Variants in PAM observed in about 807,000 individuals in gnomAD.
PAM encodes peptidyl-glycine alpha-amidating monooxygenase.
PAM carries 72 observed loss-of-function variants against 122.1 expected under a neutral mutation model. The observed-to-expected ratio is 0.59, with a 90% CI of 0.49 to 0.72. PAM has a LOEUF of 0.72. Ranked by LOEUF, PAM falls within the 30% of genes least tolerant of loss-of-function variation. The probability of loss-of-function intolerance (pLI) is 0.00; values close to 1 mark genes in which losing one functional copy is unlikely to be tolerated. For synonymous variants in PAM, 389 were observed against 404.4 expected (o/e 0.96, Z 0.46); for missense variants, 1,106 against 1,183.7 (o/e 0.93, Z 0.96).
chr5:102,758,073 G>GTTTTTTT (rs1168917285), intron 1 of PAM, among the ~76,000 whole-genome samples: 76 of 24,790 alleles, frequency 3.1e-3, no homozygotes, highest in Non-Finnish European at 5.0e-3. Context: ...TTAGAATTTT[G>GTTTTTTT]TTTTTTTTTT....
chr5:102,780,909 G>A (rs549458100), intron 1 of PAM, among the ~76,000 whole-genome samples: 17 of 148,558 alleles, frequency 1.1e-4, no homozygotes, highest in Non-Finnish European at 2.4e-4. Flanking sequence ...CTTTGTTGTG[G>A]GGGCTGTCCT....
At chr5:102,807,680 TGTGA>T (rs1397548758) in intron 1 of PAM, among the ~76,000 whole-genome samples, 1 of 152,202 alleles carries the variant, frequency 6.6e-6, no homozygotes, top group African/African-American at 2.4e-5. Context: ...AAGGCATAGA[TGTGA>T]GCTTTCTTTT....
At chr5:102,776,984 G>A (rs1757329329) in intron 1 of PAM, among the ~76,000 whole-genome samples, 1 of 151,922 alleles carries the variant, frequency 6.6e-6, no homozygotes, top group Admixed American at 6.6e-5. Flanking sequence ...GTTTTTGCAA[G>A]TATGCAGAAA....
At position 102,862,127 on chromosome 5, in the gene PAM, G is replaced by T. The variant is rs186349943; in HGVS notation, c.-373-3696G>T. Among the ~76,000 whole-genome samples, 317 of 145,288 alleles carry T rather than the reference G, an allele frequency of 2.2e-3. 1 individual carries two copies. The highest frequency in any genetic ancestry group is 7.7e-3 in the African/African-American group (302 of 39,098). On this transcript the variant is annotated intron_variant, in intron 1 of 25. Coordinates refer to ENST00000438793, the MANE Select transcript of PAM (RefSeq NM_001177306.2). ...AGAGGTTGGAGTGAGCCAAAATTGC[G>T]CCACTGCACTCCAGCCTGGGTGACA...
chr5:102,841,885 G>T (rs1245049036), intron 1 of PAM, among the ~76,000 whole-genome samples: 3 of 152,138 alleles, frequency 2.0e-5, no homozygotes, highest in Non-Finnish European at 2.9e-5. Context: ...TGGATAGTTA[G>T]ATCAATGAAA....
chr5:103,022,013 C>T (rs1008337564), intron 23 of PAM, among the ~76,000 whole-genome samples: 1 of 151,706 alleles, frequency 6.6e-6, no homozygotes, highest in Admixed American at 6.6e-5. Flanking sequence ...TAAAAAAAAA[C>T]TGATGAAAAG....
chr5:103,002,868 T>G (rs531519299), intron 16 of PAM, among the ~76,000 whole-genome samples, 165 bp from the exon 17 acceptor site: 2 of 152,238 alleles, frequency 1.3e-5, no homozygotes, highest in Admixed American at 1.3e-4. Context: ...GTTCTACAGG[T>G]TAATGGGGTA....
chr5:102,830,415 C>G (rs1368548178), intron 1 of PAM, among the ~76,000 whole-genome samples: 1 of 152,144 alleles, frequency 6.6e-6, no homozygotes, highest in Non-Finnish European at 1.5e-5. Flanking sequence ...GGGCATCTCA[C>G]CACTGAAATG....
intron 14 of PAM, among the ~76,000 whole-genome samples, chr5:102,967,377 G>A (rs1764412864): frequency 6.6e-6 from 1 of 152,058 alleles, no homozygotes; most frequent in Admixed American, 6.6e-5. Context: ...AAAAGTTAGG[G>A]AATAAAATTT....
At chr5:102,876,383 C>T (rs1789221574) in intron 3 of PAM, among the ~76,000 whole-genome samples, 1 of 152,202 alleles carries the variant, frequency 6.6e-6, no homozygotes. Context: ...TCTATTAAAA[C>T]AGAAGTCAGA....
intron 15 of PAM, chr5:102,987,568 C>T: frequency 2.2e-6 from 1 of 455,506 alleles, no homozygotes; most frequent in Non-Finnish European, 4.4e-6. Context: ...GATAAGTGTT[C>T]AAGGTGATGT....
intron 12 of PAM, among the ~76,000 whole-genome samples, chr5:102,952,005 G>A (rs1234994524): frequency 1.3e-5 from 2 of 151,996 alleles, no homozygotes; most frequent in African/African-American, 2.4e-5. Context: ...GAGGTAACAT[G>A]ATTCAGAGGG....
At chr5:102,782,693 C>T (rs1030795536) in intron 1 of PAM, among the ~76,000 whole-genome samples, 4 of 150,058 alleles carry the variant, frequency 2.7e-5, no homozygotes, top group African/African-American at 9.9e-5. Context: ...TGCTCCCTTC[C>T]TTTCTCCATT....
rs1785897951 is a variant in PAM at position 103,029,387 on chromosome 5, A to G, written c.*322A>G. 1 of 204,054 alleles carries G rather than the reference A, an allele frequency of 4.9e-6. No homozygotes were observed. The highest frequency in any genetic ancestry group is 9.7e-6 in the Non-Finnish European group (1 of 102,708). 12.6% of individuals were successfully genotyped at this position (204,054 alleles called of 1,614,324 possible). On this transcript the variant is annotated 3_prime_UTR_variant, in exon 26 of 26. Coordinates refer to ENST00000438793, the MANE Select transcript of PAM (RefSeq NM_001177306.2). Reference sequence around the variant, plus strand: ...CTTTTTGGTGGATGTAAATAACCCCATTCTTTGCTTGAACACAGTATTTTC... The same window carrying G: ...CTTTTTGGTGGATGTAAATAACCCCGTTCTTTGCTTGAACACAGTATTTTC...
intron 20 of PAM, 62 bp downstream of exon 20, chr5:103,007,719 GTTATC>G: frequency 9.3e-7 from 1 of 1,070,632 alleles, no homozygotes; most frequent in Non-Finnish European, 1.4e-6. Flanking sequence ...TAAAAATTGT[GTTATC>G]TTAATGTGCT....
At chr5:102,853,698 A>G (rs1232278619) in intron 1 of PAM, among the ~76,000 whole-genome samples, 1 of 152,196 alleles carries the variant, frequency 6.6e-6, no homozygotes, top group Non-Finnish European at 1.5e-5. Flanking sequence ...AGAAATGTGA[A>G]GGGAATCCCT....
chr5:102,895,646 T>G (rs1054196344), intron 3 of PAM, among the ~76,000 whole-genome samples: 1 of 151,736 alleles, frequency 6.6e-6, no homozygotes, highest in African/African-American at 2.4e-5. Flanking sequence ...GAGAATAGAA[T>G]GCAACTTTGG....
intron 1 of PAM, among the ~76,000 whole-genome samples, chr5:102,829,629 C>G (rs757622910): frequency 6.6e-6 from 1 of 152,154 alleles, no homozygotes; most frequent in Non-Finnish European, 1.5e-5. Flanking sequence ...TGGCCTCGGC[C>G]TCCCAAAATG....
intron 23 of PAM, 63 bp downstream of exon 23, chr5:103,019,906 C>A (rs370182259): frequency 2.1e-6 from 2 of 940,716 alleles, no homozygotes; most frequent in African/African-American, 1.6e-5. Flanking sequence ...TCTTTTATGG[C>A]CCTTGATTGC....
Sources: gnomAD v4.1 joint callset for allele counts (sites outside exome capture counted in the v4.1 genomes callset) on GRCh38, gnomAD v4.1.1 for gene constraint, MANE v1.5 for transcripts, NCBI Gene and HGNC (gene_info 2026-07-23, HGNC 2026-07-21) for gene names.